Variants in SPTBN1 observed in about 807,000 individuals in gnomAD.
SPTBN1 encodes the protein spectrin beta, non-erythrocytic 1.
SPTBN1 carries 32 observed loss-of-function variants against 266.4 expected under a neutral mutation model. That is an observed-to-expected ratio of 0.12 (90% CI 0.09 to 0.16). The LOEUF is 0.16. Among genes scored for constraint, SPTBN1 ranks in the 10% least tolerant of loss-of-function variants. The pLI is 1.00. For missense variants in SPTBN1, 2,296 were observed against 3,067.1 expected (o/e 0.75, Z 5.94); for synonymous variants, 1,336 against 1,162.2 (o/e 1.15, Z -3.04).
intron 2 of SPTBN1, among the ~76,000 whole-genome samples, chr2:54,592,155 C>T (rs1470772560): frequency 6.6e-6 from 1 of 152,026 alleles, no homozygotes; most frequent in Non-Finnish European, 1.5e-5. Flanking sequence ...TGACAGACTC[C>T]TTCTCTAATA....
intron 2 of SPTBN1, among the ~76,000 whole-genome samples, chr2:54,561,700 T>G (rs1242687318): frequency 6.7e-6 from 1 of 149,472 alleles, no homozygotes; most frequent in African/African-American, 2.4e-5. Flanking sequence ...TATTATAAAT[T>G]TATAGTTTAA....
At position 54,630,012 on chromosome 2, in the gene SPTBN1, G is replaced by A. The variant is rs376266980; in HGVS notation, c.2790G>A (p.Gln930=). 10 of 1,613,810 alleles carry A rather than the reference G, an allele frequency of 6.2e-6. No individual in the cohort carries two copies. The African/African-American group carries it at 1.2e-4, about 19-fold the overall frequency. Residue 930 remains glutamine, a synonymous_variant, in exon 15 of 36, where the codon CAG becomes CAA. Coordinates refer to ENST00000356805, the MANE Select transcript of SPTBN1 (RefSeq NM_003128.3). ...GTGAGAAGGAAATCAAAGCCCAGCAGGACAAACTCAACACAAGGTGAGCAC... is the reference window on the plus strand; with the variant it reads ...GTGAGAAGGAAATCAAAGCCCAGCAAGACAAACTCAACACAAGGTGAGCAC... The part of the protein sequence containing the change: ...HPSEKEIKAQ[Q]DKLNTRWSQF...
chr2:54,465,637 C>CATATATATATA (rs1433073794), intron 1 of SPTBN1, among the ~76,000 whole-genome samples: 3,656 of 89,266 alleles, frequency 0.041, 137 homozygotes, highest in East Asian at 0.08. Context: ...TCATGTTTAT[C>CATATATATATA]TCATATATAT....
intron 1 of SPTBN1, among the ~76,000 whole-genome samples, chr2:54,461,097 A>G (rs13033535): frequency 0.15 from 23,071 of 152,140 alleles, 1,852 homozygotes; most frequent in Middle Eastern, 0.18. Context: ...CCATCATCCC[A>G]TCTGAAACAA....
At position 54,645,571 on chromosome 2, in the gene SPTBN1, C is replaced by A; in HGVS notation, c.4494+118C>A. The A allele has an allele frequency of 9.6e-7, 1 of 1,037,178 alleles. No homozygotes were observed. The highest frequency in any genetic ancestry group is 1.4e-6 in the Non-Finnish European group (1 of 709,584). The allele number at this position is 1,037,178 out of a possible 1,614,324, so 64.2% of individuals were successfully genotyped here. A position where few individuals can be genotyped will look rare whatever the true frequency, so the allele number is the denominator to read the frequency against. On this transcript the variant is annotated intron_variant, in intron 21 of 35. Coordinates refer to ENST00000356805, the MANE Select transcript of SPTBN1 (RefSeq NM_003128.3). This position sits in a 1 kb window ranked among gnomAD's most constrained non-coding sequence, Gnocchi z 4.3. ...GGGCCACGTTGGCAAGCTGAGCTGCCAAAGTCCACGCTCTGGATGGTCTAA... is the reference window on the plus strand; with the variant it reads ...GGGCCACGTTGGCAAGCTGAGCTGCAAAAGTCCACGCTCTGGATGGTCTAA...
intron 1 of SPTBN1, among the ~76,000 whole-genome samples, chr2:54,480,358 A>G (rs945402441): frequency 2.6e-5 from 4 of 152,238 alleles, no homozygotes; most frequent in African/African-American, 2.4e-5. Flanking sequence ...GATTTAGGAA[A>G]AACAAAATCA....
chr2:54,481,113 G>A (rs1668072337), intron 1 of SPTBN1, among the ~76,000 whole-genome samples: 1 of 151,616 alleles, frequency 6.6e-6, no homozygotes, highest in South Asian at 2.1e-4. Context: ...TTTGAGGCCA[G>A]CCTGGCAACA....
rs1271271865 is a variant in SPTBN1, at chr2:54,558,370, G to A, written c.148+31804G>A. On this transcript the variant is annotated intron_variant, in intron 2 of 35. Transcript: ENST00000356805. This position sits in a 1 kb window ranked among gnomAD's most constrained non-coding sequence, Gnocchi z 4.6. ...GCTCCTGATAAAATTACAAACCGGC[G>A]GCCGCCGCGGGCAGCTGGGAGGAGG... 1 of 998,698 alleles carries A rather than the reference G, an allele frequency of 1.0e-6. No individual in the cohort carries two copies. Among genetic ancestry groups the A allele is most frequent in the African/African-American group, 1.7e-5 (1 of 57,636 alleles). The allele number at this position is 998,698 out of a possible 1,614,324, so 61.9% of individuals were successfully genotyped here.
At chr2:54,602,224 A>G (rs1468996653) in intron 3 of SPTBN1, among the ~76,000 whole-genome samples, 6 of 152,162 alleles carry the variant, frequency 3.9e-5, no homozygotes, top group African/African-American at 1.4e-4. Flanking sequence ...AGAAATACAG[A>G]CCCACCCTTT....
intron 4 of SPTBN1, among the ~76,000 whole-genome samples, chr2:54,612,785 CAT>C (rs10574185): frequency 0.032 from 4,895 of 152,230 alleles, 213 homozygotes; most frequent in African/African-American, 0.091. Context: ...AGGGTTATGG[CAT>C]GTGTGTGGGC....
intron 1 of SPTBN1, among the ~76,000 whole-genome samples, chr2:54,500,013 C>A (rs1318566562): frequency 6.6e-6 from 1 of 152,090 alleles, no homozygotes; most frequent in African/African-American, 2.4e-5. Context: ...AATTATAATT[C>A]TTTTTACGTT....
At chr2:54,552,950 G>A (rs1343383914) in intron 2 of SPTBN1, among the ~76,000 whole-genome samples, 8 of 152,254 alleles carry the variant, frequency 5.3e-5, no homozygotes, top group Non-Finnish European at 8.8e-5. Flanking sequence ...TTGAGTGGGA[G>A]GTGCCACTGG....
intron 29 of SPTBN1, among the ~76,000 whole-genome samples, chr2:54,656,456 G>A (rs924649667): frequency 1.3e-5 from 2 of 152,130 alleles, no homozygotes; most frequent in Non-Finnish European, 2.9e-5. Context: ...ATGTATTTCT[G>A]TGTTTATTCC....
intron 2 of SPTBN1, among the ~76,000 whole-genome samples, chr2:54,596,058 T>C (rs78680569): frequency 0.065 from 9,967 of 152,222 alleles, 407 homozygotes; most frequent in African/African-American, 0.11. Context: ...GGTTGCTTCA[T>C]GCTCATAGGC....
intron 26 of SPTBN1, among the ~76,000 whole-genome samples, chr2:54,650,778 C>T (rs1209274634): frequency 6.6e-6 from 1 of 152,198 alleles, no homozygotes; most frequent in East Asian, 1.9e-4. Flanking sequence ...ATAAAGCAGC[C>T]ATAGACAGTG....
At chr2:54,535,172 C>T (rs1671527788) in intron 2 of SPTBN1, 1 of 152,222 alleles carries the variant, frequency 6.6e-6, no homozygotes, top group African/African-American at 2.4e-5. Flanking sequence ...TGTATGTGAC[C>T]TTTCTGCCTT....
chr2:54,654,057 G>T (rs1558473906), intron 27 of SPTBN1, among the ~76,000 whole-genome samples: 1 of 152,274 alleles, frequency 6.6e-6, no homozygotes, highest in East Asian at 1.9e-4. Flanking sequence ...GAATGTGGGA[G>T]CCTGGGGTTA....
intron 1 of SPTBN1, among the ~76,000 whole-genome samples, chr2:54,461,169 CTTGA>C (rs1440783796): frequency 6.6e-6 from 1 of 152,078 alleles, no homozygotes; most frequent in Non-Finnish European, 1.5e-5. Flanking sequence ...TTTAAAAAAT[CTTGA>C]TTGTGTATGA....
chr2:54,597,420 ACTGT>A (rs539859700), intron 2 of SPTBN1, among the ~76,000 whole-genome samples: 2 of 152,110 alleles, frequency 1.3e-5, no homozygotes, highest in South Asian at 2.1e-4. Context: ...CCTGCCCCTT[ACTGT>A]CTTTTTCTGC....
Sources: allele counts gnomAD v4.1 joint callset (sites outside exome capture counted in the v4.1 genomes callset), GRCh38; gene constraint gnomAD v4.1.1; non-coding constraint Gnocchi (gnomAD v3.1); transcripts MANE v1.5; gene names NCBI Gene and HGNC (gene_info 2026-07-23, HGNC 2026-07-21).